SCML2: variants seen among roughly 807,000 people sequenced by gnomAD.
SCML2 encodes the protein sex comb on midleg-like protein 2.
In SCML2, 6 loss-of-function variants were observed where a neutral mutation model predicts 48.4. That is an observed-to-expected ratio of 0.12 (90% CI 0.07 to 0.24). The LOEUF (loss-of-function observed/expected upper bound fraction) is 0.24. Ranked by LOEUF, SCML2 falls within the 10% of genes least tolerant of loss-of-function variation. SCML2 has a pLI of 1.00. For missense variants in SCML2, 377 were observed against 528.2 expected (o/e 0.71, Z 2.81); for synonymous variants, 181 against 189.5 (o/e 0.95, Z 0.37).
chrX:18,253,366 C>CA (rs1239959792), intron 11 of SCML2, among the ~76,000 whole-genome samples: 3 of 110,842 alleles, frequency 2.7e-5, no homozygotes, highest in East Asian at 5.7e-4. Flanking sequence ...GTCCCATATA[C>CA]AAAAAAATAG....
At chrX:18,313,042 T>C (rs1220869744) in intron 6 of SCML2, among the ~76,000 whole-genome samples, 1 of 108,577 alleles carries the variant, frequency 9.2e-6, no homozygotes, top group Non-Finnish European at 1.9e-5. Context: ...CTGTGCATTG[T>C]AGGATGTGAA....
chrX:18,337,354 A>C (rs1408713990), intron 1 of SCML2, among the ~76,000 whole-genome samples: 1 of 94,561 alleles, frequency 1.1e-5, no homozygotes, highest in African/African-American at 4.1e-5. Flanking sequence ...TATGTTGGCT[A>C]CAAAAAAAAA....
intron 6 of SCML2, among the ~76,000 whole-genome samples, chrX:18,308,862 C>T (rs916424344): frequency 4.5e-5 from 5 of 110,829 alleles, no homozygotes; most frequent in Middle Eastern, 4.7e-3. Flanking sequence ...GGCTAACAAG[C>T]GTATGAAAAA....
chrX:18,331,185 G>A lies in SCML2; in HGVS notation c.23-530C>T, dbSNP rs754701860. 6.8e-5 allele frequency among the ~76,000 whole-genome samples: 7 copies of A among 103,611 alleles called. No homozygotes were observed. In the East Asian group the frequency reaches 1.5e-3, roughly 23 times the overall value. The allele number at this position is 103,611 out of a possible 115,157, so 90.0% of individuals were successfully genotyped here. ...TGAGACAAGAGAATCACTTGAACCC[G>A]GGAGGCAGAGGTTGCAGTGAGCTGA... is the stretch of plus-strand genomic sequence containing the variant. On this transcript the variant is annotated intron_variant, in intron 2 of 14. Transcript: ENST00000251900.
intron 7 of SCML2, among the ~76,000 whole-genome samples, chrX:18,290,007 A>G (rs748787200): frequency 8.9e-6 from 1 of 111,752 alleles, no homozygotes; most frequent in Non-Finnish European, 1.9e-5. Context: ...TAAAGTGACC[A>G]GTTACATTTT....
chrX:18,306,415 T>G (rs1156787961), intron 6 of SCML2, among the ~76,000 whole-genome samples: 2 of 111,331 alleles, frequency 1.8e-5, no homozygotes, highest in Non-Finnish European at 3.8e-5. Context: ...AAAGCCCAGT[T>G]CTCCTAGCTT....
At chrX:18,311,852 G>A (rs73636679) in intron 6 of SCML2, among the ~76,000 whole-genome samples, 3 of 111,712 alleles carry the variant, frequency 2.7e-5, no homozygotes, top group East Asian at 2.8e-4. Context: ...GTGTAGTGTC[G>A]CAATCTCAGC....
chrX:18,292,622 ATTC>A (rs1182545632), intron 7 of SCML2, among the ~76,000 whole-genome samples: 3 of 111,247 alleles, frequency 2.7e-5, no homozygotes, highest in Non-Finnish European at 5.7e-5. Flanking sequence ...ATACAAATAT[ATTC>A]TTGTTTTTTT....
intron 7 of SCML2, among the ~76,000 whole-genome samples, chrX:18,304,568 A>G (rs1340210918): frequency 8.9e-6 from 1 of 112,499 alleles, no homozygotes; most frequent in East Asian, 2.8e-4. Context: ...AGACATGTTT[A>G]TAACAGTTGT....
At chrX:18,264,484 T>C (rs2147480568) in intron 8 of SCML2, among the ~76,000 whole-genome samples, 1 of 105,154 alleles carries the variant, frequency 9.5e-6, no homozygotes, top group Non-Finnish European at 2.0e-5. Flanking sequence ...TGTGTGTCTG[T>C]GTAATGTCAT....
chrX:18,297,939 G>A (rs1428867512), intron 7 of SCML2, among the ~76,000 whole-genome samples: 2 of 111,658 alleles, frequency 1.8e-5, no homozygotes, highest in Non-Finnish European at 3.8e-5. Context: ...AGCCCAGGAG[G>A]TGGAAGCTGT....
intron 8 of SCML2, 133 bp from the exon 9 acceptor site, chrX:18,260,424 T>C: frequency 2.0e-6 from 1 of 501,470 alleles, no homozygotes; most frequent in Non-Finnish European, 3.0e-6. Flanking sequence ...GGTTGGAAAC[T>C]CCCGTGTGTG....
At chrX:18,285,209 C>T (rs192861733) in intron 7 of SCML2, among the ~76,000 whole-genome samples, 1 of 110,420 alleles carries the variant, frequency 9.1e-6, no homozygotes, top group Non-Finnish European at 1.9e-5. Flanking sequence ...TGAGTATATA[C>T]CCAAAGGAAA....
At chrX:18,282,515 G>A (rs1249796552) in intron 7 of SCML2, among the ~76,000 whole-genome samples, 1 of 110,951 alleles carries the variant, frequency 9.0e-6, no homozygotes, top group Non-Finnish European at 1.9e-5. Flanking sequence ...GCACACACCT[G>A]TAATTCCAGC....
intron 13 of SCML2, among the ~76,000 whole-genome samples, chrX:18,244,324 T>G (rs1926366680): frequency 8.9e-6 from 1 of 111,886 alleles, no homozygotes; most frequent in Non-Finnish European, 1.9e-5. Context: ...TTGGCAAAGC[T>G]AATCATATCT....
intron 8 of SCML2, among the ~76,000 whole-genome samples, chrX:18,264,656 T>C (rs1219679553): frequency 1.8e-5 from 2 of 112,035 alleles, no homozygotes; most frequent in African/African-American, 6.5e-5. Flanking sequence ...GTTACAAATA[T>C]TAATTTGTGC....
intron 1 of SCML2, among the ~76,000 whole-genome samples, chrX:18,351,731 G>A (rs1021893588): frequency 5.5e-5 from 6 of 108,532 alleles, no homozygotes; most frequent in Admixed American, 9.9e-5. Context: ...GGATACTGCT[G>A]TATCCACCCG....
chrX:18,311,679 G>A (rs1279986556), intron 6 of SCML2, among the ~76,000 whole-genome samples: 4 of 112,325 alleles, frequency 3.6e-5, no homozygotes, highest in Non-Finnish European at 5.6e-5. Context: ...ATCATATATA[G>A]TTTTATAGAT....
intron 7 of SCML2, among the ~76,000 whole-genome samples, chrX:18,294,895 T>G (rs1038734005): frequency 9.0e-6 from 1 of 110,985 alleles, no homozygotes; most frequent in African/African-American, 3.3e-5. Flanking sequence ...CCCTCCACAG[T>G]AGCAGGGCTC....
Sources: allele counts gnomAD v4.1 joint callset (sites outside exome capture counted in the v4.1 genomes callset), GRCh38; gene constraint gnomAD v4.1.1; transcripts MANE v1.5; gene names NCBI Gene and HGNC (gene_info 2026-07-23, HGNC 2026-07-21).